The following DCC variants were observed in gnomAD, a reference collection of about 807,000 sequenced individuals.
DCC encodes DCC netrin 1 receptor.
In DCC, 58 loss-of-function variants were observed where a neutral mutation model predicts 172.5. The observed-to-expected ratio is 0.34, with a 90% confidence interval of 0.27 to 0.42. The LOEUF (loss-of-function observed/expected upper bound fraction) is 0.42, where lower values mean the gene tolerates loss of function less well. Ranked by LOEUF, DCC falls within the 10% of genes least tolerant of loss-of-function variation. The pLI is 1.00. For synonymous variants in DCC, 709 were observed against 644.5 expected, an observed-to-expected ratio of 1.10 and a Z score of -1.52; for missense variants, 1,740 against 1,791.0, an observed-to-expected ratio of 0.97 and a Z score of 0.51.
At chr18:52,494,509 T>C (rs1244920562) in intron 1 of DCC, among the ~76,000 whole-genome samples, 1 of 152,124 alleles carries the variant, frequency 6.6e-6, no homozygotes, top group African/African-American at 2.4e-5. Context: ...TTATGTACTT[T>C]CCGATATTTT....
At chr18:53,278,603 T>G (rs2144722491) in intron 12 of DCC, among the ~76,000 whole-genome samples, 1 of 152,274 alleles carries the variant, frequency 6.6e-6, no homozygotes, top group East Asian at 1.9e-4. Flanking sequence ...CCTTCAGGAT[T>G]TTTTAAAAAG....
intron 1 of DCC, among the ~76,000 whole-genome samples, chr18:52,638,577 C>T (rs1264048046): frequency 6.6e-6 from 1 of 152,068 alleles, no homozygotes; most frequent in African/African-American, 2.4e-5. Flanking sequence ...TTAAAAGAGA[C>T]AACGAGGGAC....
chr18:52,678,012 C>T (rs2035676191), intron 1 of DCC, among the ~76,000 whole-genome samples: 1 of 152,082 alleles, frequency 6.6e-6, no homozygotes, highest in Non-Finnish European at 1.5e-5. Flanking sequence ...GCGTGTATTA[C>T]CTTCCAGTGG....
At chr18:53,029,220 A>G (rs1295499559) in intron 5 of DCC, among the ~76,000 whole-genome samples, 5 of 152,304 alleles carry the variant, frequency 3.3e-5, no homozygotes, top group East Asian at 1.9e-4. Flanking sequence ...ATTAGAAAAT[A>G]TTAGTAGTTG....
At chr18:52,796,008 A>G (rs1190958764) in intron 2 of DCC, among the ~76,000 whole-genome samples, 1 of 150,670 alleles carries the variant, frequency 6.6e-6, no homozygotes, top group Non-Finnish European at 1.5e-5. Flanking sequence ...TTTTCAATAT[A>G]TGACCTTGTC....
intron 12 of DCC, among the ~76,000 whole-genome samples, chr18:53,216,329 C>G (rs1043851901): frequency 6.6e-6 from 1 of 152,172 alleles, no homozygotes; most frequent in Non-Finnish European, 1.5e-5. Flanking sequence ...ATGCTTGGAC[C>G]TCCAGTTAGG....
intron 1 of DCC, among the ~76,000 whole-genome samples, chr18:52,400,805 A>T: frequency 6.6e-6 from 1 of 152,078 alleles, no homozygotes; most frequent in Non-Finnish European, 1.5e-5. Flanking sequence ...GACATGGATG[A>T]AGCTGGAAAC....
At chr18:52,895,844 G>C (rs987704750) in intron 2 of DCC, among the ~76,000 whole-genome samples, 1 of 152,046 alleles carries the variant, frequency 6.6e-6, no homozygotes, top group African/African-American at 2.4e-5. Flanking sequence ...GAGTGCAGTG[G>C]CGCAATCTTG....
chr18:52,956,964 G>T (rs1049028452), intron 5 of DCC, among the ~76,000 whole-genome samples: 1 of 152,032 alleles, frequency 6.6e-6, no homozygotes, highest in African/African-American at 2.4e-5. Context: ...CCGAAAACAC[G>T]CATATTGCTT....
At chr18:53,236,454 T>G (rs1427122529) in intron 12 of DCC, among the ~76,000 whole-genome samples, 1 of 152,116 alleles carries the variant, frequency 6.6e-6, no homozygotes, top group Non-Finnish European at 1.5e-5. Flanking sequence ...AGGAAAACAT[T>G]TTAATTATAT....
chr18:52,764,427 T>C (rs573839737), intron 2 of DCC, among the ~76,000 whole-genome samples: 84 of 152,350 alleles, frequency 5.5e-4, no homozygotes, highest in African/African-American at 2.0e-3. Flanking sequence ...TGGGGCCTAA[T>C]GGGAGGTGTT....
At chr18:53,233,427 A>G (rs1023118383) in intron 12 of DCC, among the ~76,000 whole-genome samples, 2 of 152,160 alleles carry the variant, frequency 1.3e-5, no homozygotes, top group Non-Finnish European at 2.9e-5. Context: ...ATCAAGAAAC[A>G]GTTTTCAGTC....
intron 1 of DCC, among the ~76,000 whole-genome samples, chr18:52,368,770 G>A (rs1257744893): frequency 6.6e-6 from 1 of 152,188 alleles, no homozygotes; most frequent in Non-Finnish European, 1.5e-5. Context: ...TCTTTGTTCA[G>A]GATCCTGGTA....
intron 2 of DCC, among the ~76,000 whole-genome samples, chr18:52,813,821 G>A (rs2038242135): frequency 1.3e-5 from 2 of 152,136 alleles, no homozygotes; most frequent in Admixed American, 6.5e-5. Flanking sequence ...GCTGGATATT[G>A]GTCTTTTCTG....
intron 2 of DCC, among the ~76,000 whole-genome samples, chr18:52,789,109 C>T (rs2037713491): frequency 6.6e-6 from 1 of 152,050 alleles, no homozygotes; most frequent in Non-Finnish European, 1.5e-5. Context: ...CTAGTTATTC[C>T]CCACACTAAA....
chr18:53,081,467 G>T (rs567070990), intron 7 of DCC, among the ~76,000 whole-genome samples: 216 of 151,896 alleles, frequency 1.4e-3, no homozygotes, highest in Non-Finnish European at 2.4e-3. Context: ...AGGGAAAGCA[G>T]TCTCTATTGG....
chr18:53,127,254 G>T (rs986029883), intron 7 of DCC, among the ~76,000 whole-genome samples: 1 of 149,536 alleles, frequency 6.7e-6, no homozygotes, highest in African/African-American at 2.5e-5. Context: ...TGATCCTCCC[G>T]CCTGAGCCTC....
At chr18:53,202,036 G>T (rs1385771513) in intron 9 of DCC, among the ~76,000 whole-genome samples, 1 of 152,116 alleles carries the variant, frequency 6.6e-6, no homozygotes, top group African/African-American at 2.4e-5. Flanking sequence ...ATATATGTGT[G>T]TGCGTATGTA....
At chr18:53,128,858 CACACACACACACATAT>C (rs1272786220) in intron 7 of DCC, among the ~76,000 whole-genome samples, 1 of 75,484 alleles carries the variant, frequency 1.3e-5, no homozygotes, top group African/African-American at 5.1e-5. Flanking sequence ...CACACACACA[CACACACACACACATAT>C]ATATATATAT....
Sources: allele counts gnomAD v4.1 joint callset (sites outside exome capture counted in the v4.1 genomes callset), GRCh38; gene constraint gnomAD v4.1.1; transcripts MANE v1.5; gene names NCBI Gene and HGNC (gene_info 2026-07-23, HGNC 2026-07-21).